LMNA: variants seen among roughly 807,000 people sequenced by gnomAD.
LMNA encodes the protein lamin.
Under a neutral mutation model 70.4 loss-of-function variants are expected in LMNA, and 20 were observed. That is an observed-to-expected ratio of 0.28 (90% CI 0.20 to 0.41). The LOEUF is 0.41. Among genes scored for constraint, LMNA ranks in the 10% least tolerant of loss-of-function variants. The probability of loss-of-function intolerance (pLI) is 1.00; values close to 1 mark genes in which losing one functional copy is unlikely to be tolerated. For synonymous variants in LMNA, 339 were observed against 372.8 expected (o/e 0.91, Z 1.04); for missense variants, 652 against 917.2 (o/e 0.71, Z 3.73).
chr1:156,104,181 G>C (rs1250552002), intron 3 of LMNA, among the ~76,000 whole-genome samples: 2 of 152,210 alleles, frequency 1.3e-5, no homozygotes, highest in African/African-American at 4.8e-5. Context: ...GGGTCGGGGT[G>C]ATCCCAAGAG....
At position 156,134,798 on chromosome 1, in the gene LMNA, C is replaced by G; in HGVS notation, c.640-7C>G. 6.2e-7 allele frequency: 1 copy of G among 1,614,184 alleles called. No individual in the cohort carries two copies. The highest frequency in any genetic ancestry group is 8.5e-7 in the Non-Finnish European group (1 of 1,180,028). ...TGGTTTCTGTGTCCTTCCTCCAACC[C>G]TTCCAGGAGCTGCGTGAGACCAAGC... is the stretch of plus-strand genomic sequence containing the variant. On this transcript the variant is annotated splice_region_variant and splice_polypyrimidine_tract_variant and intron_variant, in intron 3 of 11. Coordinates refer to ENST00000368300, the MANE Select transcript of LMNA (RefSeq NM_170707.4). This position sits in a 1 kb window ranked among gnomAD's most constrained non-coding sequence, Gnocchi z 5.3.
At position 156,135,383 on chromosome 1, in the gene LMNA, TTGGGGG is replaced by T; in HGVS notation, c.936+88_936+93del. The T allele has an allele frequency of 1.6e-5, 22 of 1,357,230 alleles. No homozygotes were observed. Among genetic ancestry groups the T allele is most frequent in the Non-Finnish European group, 2.2e-5 (22 of 1,005,922 alleles). 84.1% of individuals were successfully genotyped at this position (1,357,230 alleles called of 1,614,324 possible). ...CCGGATGCAGGCTGGAAGCCCAGGGTTGGGGGTGGGGGTGGGGGTGGGAGGTTCCTG... is the reference window on the plus strand; with the variant it reads ...CCGGATGCAGGCTGGAAGCCCAGGGTTGGGGGTGGGGGTGGGAGGTTCCTG... On this transcript the variant is annotated intron_variant, in intron 5 of 11. Coordinates refer to ENST00000368300, the MANE Select transcript of LMNA (RefSeq NM_170707.4). The surrounding 1 kb of genome is among the most constrained non-coding windows in gnomAD (Gnocchi z 4.8).
chr1:156,118,961 T>G (rs930373253), intron 1 of LMNA, among the ~76,000 whole-genome samples: 1 of 152,136 alleles, frequency 6.6e-6, no homozygotes, highest in South Asian at 2.1e-4. Context: ...CTCTTCTTTT[T>G]TTGAGACAGG....
chr1:156,110,071 G>T (rs1649481505), upstream of LMNA, among the ~76,000 whole-genome samples: 1 of 151,914 alleles, frequency 6.6e-6, no homozygotes, highest in Non-Finnish European at 1.5e-5. Flanking sequence ...TTGAACTCCT[G>T]GGCTCAAGCA....
chr1:156,139,014 C>T, intron 11 of LMNA, 66 bp from the exon 12 acceptor site: 1 of 1,553,222 alleles, frequency 6.4e-7, no homozygotes, highest in Non-Finnish European at 8.9e-7. Flanking sequence ...TTCTAGGGGC[C>T]AGGGGAGGGA....
At chr1:156,096,436 A>C (rs1010519383) in intron 3 of LMNA, among the ~76,000 whole-genome samples, 1 of 152,250 alleles carries the variant, frequency 6.6e-6, no homozygotes, top group Non-Finnish European at 1.5e-5. Context: ...TAAAGTACTG[A>C]CATACTGTCT....
chr1:156,106,134 CAAAA>C (rs55841698), intron 3 of LMNA, among the ~76,000 whole-genome samples: 2 of 135,710 alleles, frequency 1.5e-5, no homozygotes, highest in Non-Finnish European at 3.2e-5. Flanking sequence ...GACTCCGTCT[CAAAA>C]AAAAAAAAAA....
rs751707982 is a variant in LMNA at position 156,135,893 on chromosome 1, C to T, written c.937-8C>T. On this transcript the variant is annotated splice_polypyrimidine_tract_variant and splice_region_variant and intron_variant, in intron 5 of 11. Transcript: ENST00000368300. This position sits in a 1 kb window ranked among gnomAD's most constrained non-coding sequence, Gnocchi z 4.8. ...GGGAGCTCACCAAACCCTCCCACCC[C>T]CCTTCAGCTGGCAGCCAAGGAGGCG... 3.7e-6 allele frequency: 6 copies of T among 1,612,738 alleles called. No individual in the cohort carries two copies. Among genetic ancestry groups the T allele is most frequent in the Non-Finnish European group, 5.1e-6 (6 of 1,179,524 alleles).
At chr1:156,111,175 G>T (rs1339614630), upstream of LMNA, among the ~76,000 whole-genome samples, 2 of 152,062 alleles carry the variant, frequency 1.3e-5, no homozygotes, top group Admixed American at 1.3e-4. Flanking sequence ...CCTAGGCCTG[G>T]TGCAGTGGCT....
rs370242860 is a variant in LMNA at position 156,135,359 on chromosome 1, C to T, written c.936+47C>T. On this transcript the variant is annotated intron_variant, in intron 5 of 11. Coordinates refer to ENST00000368300, the MANE Select transcript of LMNA (RefSeq NM_170707.4). This position sits in a 1 kb window ranked among gnomAD's most constrained non-coding sequence, Gnocchi z 4.8. ...CTCTCCAGGGGCCTAGAGTCTGGGCCGGATGCAGGCTGGAAGCCCAGGGTT... is the reference window on the plus strand; with the variant it reads ...CTCTCCAGGGGCCTAGAGTCTGGGCTGGATGCAGGCTGGAAGCCCAGGGTT... The T allele has an allele frequency of 6.1e-4, 738 of 1,211,476 alleles. No individual in the cohort carries two copies. Among genetic ancestry groups the T allele is most frequent in the Non-Finnish European group, 7.8e-4 (694 of 889,712 alleles). The allele number at this position is 1,211,476 out of a possible 1,614,324, so 75.0% of individuals were successfully genotyped here.
chr1:156,090,077 G>A (rs1648640259), intron 2 of LMNA, among the ~76,000 whole-genome samples: 1 of 152,206 alleles, frequency 6.6e-6, no homozygotes, highest in East Asian at 1.9e-4. Flanking sequence ...CAGTAAACAT[G>A]TCCTTCCTAG....
intron 2 of LMNA, among the ~76,000 whole-genome samples, chr1:156,088,979 G>C (rs994759024): frequency 6.6e-6 from 1 of 152,124 alleles, no homozygotes; most frequent in African/African-American, 2.4e-5. Context: ...TAATTTATTT[G>C]TTTGTTTGTT....
intron 3 of LMNA, among the ~76,000 whole-genome samples, chr1:156,097,899 G>T (rs114287324): frequency 1.3e-4 from 20 of 152,290 alleles, no homozygotes; most frequent in Non-Finnish European, 2.5e-4. Flanking sequence ...CTCCCCCACC[G>T]TTTTCTCTCT....
intron 1 of LMNA, chr1:156,126,259 C>G (rs1342514688): frequency 6.9e-7 from 1 of 1,459,048 alleles, no homozygotes; most frequent in African/African-American, 1.4e-5. Flanking sequence ...TCTAAGGAGT[C>G]CCTGCAGGGC....
In LMNA at chr1:156,139,221, CCTTT is replaced by C. The variant is rs1463685614; in HGVS notation, c.*116_*119del. 2.6e-6 allele frequency: 4 copies of C among 1,538,570 alleles called. No individual in the cohort carries two copies. In the African/African-American group the frequency reaches 5.6e-5, roughly 21 times the overall value. ...GGGCTTGAAGCCAAAGAAAAATAAC[CCTTT>C]GGTTTTTTTCTTCTGTATTTTTTTT... On this transcript the variant is annotated 3_prime_UTR_variant, in exon 12 of 12. Transcript: ENST00000368300.
chr1:156,095,083 G>A (rs1255012474), intron 3 of LMNA, among the ~76,000 whole-genome samples: 1 of 151,912 alleles, frequency 6.6e-6, no homozygotes, highest in Non-Finnish European at 1.5e-5. Context: ...CACCATGCCC[G>A]GCTACCGGCT....
At chr1:156,130,138 C>T (rs187779603) in intron 1 of LMNA, among the ~76,000 whole-genome samples, 2 of 152,156 alleles carry the variant, frequency 1.3e-5, no homozygotes, top group African/African-American at 4.8e-5. Context: ...ACCTTTGGGG[C>T]TCAGATCGAG....
chr1:156,114,700 G>A, upstream of LMNA: 2 of 537,208 alleles, frequency 3.7e-6, no homozygotes, highest in Non-Finnish European at 6.5e-6. Context: ...TTGCCCCGGC[G>A]TCGGTGACTC....
In LMNA at chr1:156,138,707, A is replaced by G. The variant is rs1651878021; in HGVS notation, c.1918A>G (p.Asn640Asp). 6.2e-7 allele frequency: 1 copy of G among 1,613,182 alleles called. No homozygotes were observed. Among genetic ancestry groups the G allele is most frequent in the African/African-American group, 1.3e-5 (1 of 74,782 alleles). Residue 640 changes from asparagine to aspartate, a missense_variant, in exon 11 of 12, where the codon AAT becomes GAT. Transcript: ENST00000368300. This position sits in a 1 kb window ranked among gnomAD's most constrained non-coding sequence, Gnocchi z 5.5. The part of the protein sequence containing the change: ...GGSGGGSFGD[N>D]LVTRSYLLGN... ...CAGTGGGGGTGGCAGCTTCGGGGAC[A>G]ATCTGGTCACCCGCTCCTACCTCCT...
Sources: gnomAD v4.1 joint callset for allele counts (sites outside exome capture counted in the v4.1 genomes callset) on GRCh38, gnomAD v4.1.1 for gene constraint, Gnocchi (gnomAD v3.1) non-coding constraint, MANE v1.5 for transcripts, NCBI Gene and HGNC (gene_info 2026-07-23, HGNC 2026-07-21) for gene names.